The following PPM1A variants were observed in gnomAD, a reference collection of about 807,000 sequenced individuals.
PPM1A encodes protein phosphatase, Mg2+/Mn2+ dependent 1A, also known as protein phosphatase 1A.
Under a neutral mutation model 35.0 loss-of-function variants are expected in PPM1A, and 7 were observed. That is an observed-to-expected ratio of 0.20 (90% CI 0.11 to 0.38). PPM1A has a LOEUF of 0.38. Among genes scored for constraint, PPM1A ranks in the 10% least tolerant of loss-of-function variants. The pLI is 1.00. For synonymous variants in PPM1A, 153 were observed against 167.3 expected, an observed-to-expected ratio of 0.91 and a Z score of 0.66; for missense variants, 239 against 467.8, an observed-to-expected ratio of 0.51 and a Z score of 4.51.
At chr14:60,271,753 C>T (rs1452781286) in intron 1 of PPM1A, among the ~76,000 whole-genome samples, 2 of 151,488 alleles carry the variant, frequency 1.3e-5, no homozygotes, top group African/African-American at 2.4e-5. Context: ...TTTTGTGTGT[C>T]TCTTATAATC....
chr14:60,249,423 CCTT>C lies in PPM1A; in HGVS notation c.-272_-270del. On this transcript the variant is annotated 5_prime_UTR_variant, in exon 1 of 6. Transcript: ENST00000395076. The surrounding 1 kb of genome is among the most constrained non-coding windows in gnomAD (Gnocchi z 4.5). ...CGATGAGTCCTCGGCTCTTCCTCCTCCTTCTCCGGGACCCGCTCTCTGCCTCCC... is the reference window on the plus strand; with the variant it reads ...CGATGAGTCCTCGGCTCTTCCTCCTCCTCCGGGACCCGCTCTCTGCCTCCC... 1.0e-6 allele frequency: 1 copy of C among 984,816 alleles called. No individual in the cohort carries two copies. The highest frequency in any genetic ancestry group is 1.2e-6 in the Non-Finnish European group (1 of 829,918). The allele number at this position is 984,816 out of a possible 1,614,324, so 61.0% of individuals were successfully genotyped here.
intron 1 of PPM1A, among the ~76,000 whole-genome samples, chr14:60,259,124 A>G (rs867998594): frequency 1.4e-4 from 22 of 152,102 alleles, no homozygotes; most frequent in African/African-American, 5.1e-4. Context: ...CTCAGCATCT[A>G]TCTCCCTACA....
chr14:60,245,784 G>A, upstream of PPM1A: 6 of 1,417,438 alleles, frequency 4.2e-6, no homozygotes, highest in Non-Finnish European at 5.6e-6. This position sits in a 1 kb window ranked among gnomAD's most constrained non-coding sequence, Gnocchi z 4.2. Context: ...GGAGGAAGGA[G>A]GGCCAGGGTA....
At chr14:60,259,497 C>G (rs967187267) in intron 1 of PPM1A, among the ~76,000 whole-genome samples, 2 of 151,952 alleles carry the variant, frequency 1.3e-5, no homozygotes, top group Admixed American at 1.3e-4. Flanking sequence ...TAGTTTGAGT[C>G]CAAATCCTCA....
At chr14:60,269,583 C>T (rs902557626) in intron 1 of PPM1A, among the ~76,000 whole-genome samples, 1 of 152,054 alleles carries the variant, frequency 6.6e-6, no homozygotes, top group African/African-American at 2.4e-5. Flanking sequence ...CAGTCTTGCT[C>T]TGTCACCCAG....
intron 1 of PPM1A, among the ~76,000 whole-genome samples, chr14:60,256,436 AAAAG>A (rs1054128547): frequency 2.6e-5 from 4 of 151,476 alleles, no homozygotes; most frequent in African/African-American, 7.4e-5. Flanking sequence ...CGTCTAAAAA[AAAAG>A]AAGAAGAAAA....
chr14:60,248,773 C>G (rs1191889802), upstream of PPM1A: 1 of 152,722 alleles, frequency 6.5e-6, no homozygotes, highest in African/African-American at 2.4e-5. Context: ...GGTAGAAGAG[C>G]CAGGGCTCCG....
chr14:60,287,817 G>C (rs1887192707), intron 3 of PPM1A: 1 of 983,220 alleles, frequency 1.0e-6, no homozygotes, highest in Non-Finnish European at 1.2e-6. Context: ...ATACTTTTGT[G>C]TATATATTTT....
intron 3 of PPM1A, chr14:60,286,776 A>G (rs141362294): frequency 4.2e-5 from 41 of 979,732 alleles, no homozygotes; most frequent in Admixed American, 1.9e-4. Flanking sequence ...TAGAGCTACT[A>G]TTTTGTTTTT....
At position 60,249,809 on chromosome 14, in the gene PPM1A, A is replaced by G. The variant is rs1882120152; in HGVS notation, c.-21+132A>G. ...GGCGCTCCCGGGAGGAGACGCGACAACTCCACCCCCTGGCCGGCCTCCTCC... is the reference window on the plus strand; with the variant it reads ...GGCGCTCCCGGGAGGAGACGCGACAGCTCCACCCCCTGGCCGGCCTCCTCC... On this transcript the variant is annotated intron_variant, in intron 1 of 5. Coordinates refer to ENST00000395076, the MANE Select transcript of PPM1A (RefSeq NM_021003.5). This position sits in a 1 kb window ranked among gnomAD's most constrained non-coding sequence, Gnocchi z 4.5. 1 of 415,154 alleles carries G rather than the reference A, an allele frequency of 2.4e-6. No homozygotes were observed. Among genetic ancestry groups the G allele is most frequent in the South Asian group, 9.4e-5 (1 of 10,668 alleles). 25.7% of individuals were successfully genotyped at this position (415,154 alleles called of 1,614,324 possible).
chr14:60,257,233 T>C (rs1034871325), intron 1 of PPM1A, among the ~76,000 whole-genome samples: 1 of 152,210 alleles, frequency 6.6e-6, no homozygotes, highest in Non-Finnish European at 1.5e-5. Flanking sequence ...TCTGAGAAGA[T>C]AGTCTTAAAC....
In PPM1A at chr14:60,273,097, G is replaced by C. The variant is rs184188088; in HGVS notation, c.-20-9587G>C. ...AGCTTCTCTGTTTCTCCTTCAGAAA[G>C]TCTTGTTTTTTATATGCATATTTAC... On this transcript the variant is annotated intron_variant, in intron 1 of 5. Coordinates refer to ENST00000395076, the MANE Select transcript of PPM1A (RefSeq NM_021003.5). This position sits in a 1 kb window ranked among gnomAD's most constrained non-coding sequence, Gnocchi z 4.3. Among the ~76,000 whole-genome samples, 1 of 152,222 alleles carries C rather than the reference G, an allele frequency of 6.6e-6. No individual in the cohort carries two copies. The highest frequency in any genetic ancestry group is 1.9e-4 in the East Asian group (1 of 5,178).
At chr14:60,259,684 G>C (rs1883524874) in intron 1 of PPM1A, among the ~76,000 whole-genome samples, 1 of 152,008 alleles carries the variant, frequency 6.6e-6, no homozygotes, top group Non-Finnish European at 1.5e-5. Flanking sequence ...GATTGTAAAT[G>C]CTAAAAGATT....
chr14:60,286,859 T>C, intron 3 of PPM1A: 1 of 983,524 alleles, frequency 1.0e-6, no homozygotes, highest in Non-Finnish European at 1.2e-6. Context: ...TCATTGGACG[T>C]ACTATTCAAC....
chr14:60,252,787 C>G (rs1239321188), intron 1 of PPM1A, among the ~76,000 whole-genome samples: 2 of 152,138 alleles, frequency 1.3e-5, no homozygotes, highest in Non-Finnish European at 2.9e-5. Context: ...TTTCAAATGT[C>G]TTATGTTCTC....
intron 1 of PPM1A, among the ~76,000 whole-genome samples, chr14:60,258,762 G>A (rs1247479107): frequency 6.6e-6 from 1 of 152,086 alleles, no homozygotes; most frequent in East Asian, 1.9e-4. Context: ...TGACAAGGGA[G>A]AAGCCAAGGT....
Position 60,298,222 on chromosome 14 carries a change from T to A in PPM1A, c.*5740T>A, listed in dbSNP as rs1888208401. ...GAAATGGAATGTATCTGGAACATTT[T>A]TGGCCTCCATAGTGCAGATATACTA... On this transcript the variant is annotated 3_prime_UTR_variant, in exon 6 of 6. Coordinates refer to ENST00000395076, the MANE Select transcript of PPM1A (RefSeq NM_021003.5). The A allele has an allele frequency of 6.6e-6, 1 of 151,724 alleles. No individual in the cohort carries two copies. Among genetic ancestry groups the A allele is most frequent in the Admixed American group, 6.6e-5 (1 of 15,184 alleles). The allele number at this position is 151,724 out of a possible 1,614,324, so 9.4% of individuals were successfully genotyped here. A position where few individuals can be genotyped will look rare whatever the true frequency, so the allele number is the denominator to read the frequency against.
chr14:60,274,401 C>A (rs1210413446), intron 1 of PPM1A, among the ~76,000 whole-genome samples: 4 of 151,896 alleles, frequency 2.6e-5, no homozygotes, highest in African/African-American at 9.7e-5. Flanking sequence ...ACATGGGTAG[C>A]TCGAGGGGAA....
At chr14:60,284,212 T>C (rs1886698778) in intron 2 of PPM1A, among the ~76,000 whole-genome samples, 1 of 152,224 alleles carries the variant, frequency 6.6e-6, no homozygotes, top group African/African-American at 2.4e-5. Context: ...ATGAGGAAGC[T>C]GAAGCCAGAG....
Sources: gnomAD v4.1 joint callset for allele counts (sites outside exome capture counted in the v4.1 genomes callset) on GRCh38, gnomAD v4.1.1 for gene constraint, Gnocchi (gnomAD v3.1) non-coding constraint, MANE v1.5 for transcripts, NCBI Gene and HGNC (gene_info 2026-07-23, HGNC 2026-07-21) for gene names.